The following ZDHHC17 variants were observed in gnomAD, a reference collection of about 807,000 sequenced individuals.
ZDHHC17 encodes the protein zDHHC palmitoyltransferase 17, also known as palmitoyltransferase ZDHHC17.
Under a neutral mutation model 90.3 loss-of-function variants are expected in ZDHHC17, and 40 were observed. The observed-to-expected ratio is 0.44, with a 90% confidence interval of 0.34 to 0.58. The LOEUF (loss-of-function observed/expected upper bound fraction) is 0.58, where lower values mean the gene tolerates loss of function less well. Among genes scored for constraint, ZDHHC17 ranks in the 20% least tolerant of loss-of-function variants. The pLI is 0.01. For missense variants in ZDHHC17, 614 were observed against 780.8 expected (o/e 0.79, Z 2.55); for synonymous variants, 235 against 252.4 (o/e 0.93, Z 0.65).
intron 7 of ZDHHC17, among the ~76,000 whole-genome samples, chr12:76,820,843 T>C (rs1310395312): frequency 6.6e-6 from 1 of 152,202 alleles, no homozygotes; most frequent in Non-Finnish European, 1.5e-5. Flanking sequence ...TGTAGATTCT[T>C]GCTGTTGTTG....
intron 2 of ZDHHC17, among the ~76,000 whole-genome samples, chr12:76,803,273 C>T (rs1952913333): frequency 6.6e-6 from 1 of 151,988 alleles, no homozygotes; most frequent in Admixed American, 6.6e-5. Context: ...AAAAAAATTA[C>T]ATGAGATATT....
chr12:76,767,659 C>T (rs1435020702), intron 1 of ZDHHC17, among the ~76,000 whole-genome samples: 1 of 152,168 alleles, frequency 6.6e-6, no homozygotes, highest in Non-Finnish European at 1.5e-5. Flanking sequence ...GTGGCTCACG[C>T]CTGTAATCCC....
At chr12:76,775,113 C>T (rs1225571182) in intron 1 of ZDHHC17, among the ~76,000 whole-genome samples, 1 of 152,224 alleles carries the variant, frequency 6.6e-6, no homozygotes, top group Non-Finnish European at 1.5e-5. Context: ...CCATGCCCGG[C>T]CTCTTTGTGG....
At chr12:76,778,576 T>TA (rs111902183) in intron 1 of ZDHHC17, among the ~76,000 whole-genome samples, 2 of 152,312 alleles carry the variant, frequency 1.3e-5, no homozygotes, top group African/African-American at 2.4e-5. Flanking sequence ...TCAGATAACT[T>TA]ACGTTAGATC....
chr12:76,816,413 T>C (rs1953087673), intron 7 of ZDHHC17, among the ~76,000 whole-genome samples: 1 of 152,054 alleles, frequency 6.6e-6, no homozygotes, highest in Non-Finnish European at 1.5e-5. Context: ...CTCAAAATTT[T>C]GGTTATTTCT....
At chr12:76,781,473 A>G (rs1220626873) in intron 1 of ZDHHC17, among the ~76,000 whole-genome samples, 1 of 152,224 alleles carries the variant, frequency 6.6e-6, no homozygotes, top group Non-Finnish European at 1.5e-5. Context: ...TGATTAGGCT[A>G]AGAGGGCTCT....
intron 1 of ZDHHC17, among the ~76,000 whole-genome samples, chr12:76,773,117 C>A (rs903547458): frequency 1.4e-4 from 22 of 152,158 alleles, no homozygotes; most frequent in Admixed American, 1.3e-3. Flanking sequence ...CTCGACGTCT[C>A]AAAGTACTGG....
At chr12:76,769,119 C>T (rs545033960) in intron 1 of ZDHHC17, 20 of 408,916 alleles carry the variant, frequency 4.9e-5, no homozygotes, top group African/African-American at 1.2e-4. Flanking sequence ...AGTGCAATGA[C>T]GTGATCTCGG....
At chr12:76,812,519 TTTC>T (rs1424900810) in intron 5 of ZDHHC17, among the ~76,000 whole-genome samples, 2 of 152,120 alleles carry the variant, frequency 1.3e-5, no homozygotes, top group African/African-American at 2.4e-5. Context: ...CATATTTTTA[TTTC>T]TTCTTCCCTT....
chr12:76,842,449 A>G lies in ZDHHC17; in HGVS notation c.1266+343A>G, dbSNP rs75875928. On this transcript the variant is annotated intron_variant, in intron 11 of 16. Coordinates refer to ENST00000426126, the MANE Select transcript of ZDHHC17 (RefSeq NM_015336.4). ...AATGACTATGTAAACTAGAAGGTTA[A>G]TAAATTGGTTGATAGTGCAGGTACA... Among the ~76,000 whole-genome samples, 496 of 152,324 alleles carry G rather than the reference A, an allele frequency of 3.3e-3. 3 individuals carry two copies. The highest frequency in any genetic ancestry group is 0.011 in the African/African-American group (466 of 41,574).
At chr12:76,836,781 C>T (rs1184842360) in intron 10 of ZDHHC17, among the ~76,000 whole-genome samples, 1 of 152,092 alleles carries the variant, frequency 6.6e-6, no homozygotes, top group Non-Finnish European at 1.5e-5. Context: ...GTAAAATCTT[C>T]TACCGTGTTG....
intron 5 of ZDHHC17, among the ~76,000 whole-genome samples, chr12:76,812,196 A>C (rs2060473846): frequency 6.6e-6 from 1 of 152,196 alleles, no homozygotes; most frequent in East Asian, 1.9e-4. Flanking sequence ...TGTGCATTGC[A>C]TCATACTGTG....
intron 1 of ZDHHC17, among the ~76,000 whole-genome samples, chr12:76,790,133 C>A (rs11115423): frequency 0.011 from 1,682 of 151,888 alleles, 11 homozygotes; most frequent in Non-Finnish European, 0.017. Context: ...TAAATCTAGA[C>A]CTCTTATAAA....
At chr12:76,841,887 CTGGT>C in intron 10 of ZDHHC17, 91 bp from the exon 11 acceptor site, 1 of 922,674 alleles carries the variant, frequency 1.1e-6, no homozygotes, top group Non-Finnish European at 1.4e-6. Flanking sequence ...ATTTTTTTGA[CTGGT>C]AGGTGTTTTG....
intron 1 of ZDHHC17, among the ~76,000 whole-genome samples, chr12:76,774,246 T>C (rs890536707): frequency 2.6e-5 from 3 of 115,662 alleles, no homozygotes; most frequent in African/African-American, 9.6e-5. Context: ...TGAGACCCTG[T>C]CTCAAAATAA....
rs980020334 is a variant in ZDHHC17, at chr12:76,801,941, T to G, written c.198-3376T>G. Among the ~76,000 whole-genome samples, 3 of 152,202 alleles carry G rather than the reference T, an allele frequency of 2.0e-5. No homozygotes were observed. In the South Asian group the frequency reaches 6.2e-4, roughly 32 times the overall value. On this transcript the variant is annotated intron_variant, in intron 2 of 16. Coordinates refer to ENST00000426126, the MANE Select transcript of ZDHHC17 (RefSeq NM_015336.4). ...TAGTGCTTAATAATTTTTAAATTAA[T>G]GTATTAGTCTCTTAAATCAAGTAGA...
chr12:76,798,019 T>C (rs371677795), intron 2 of ZDHHC17, among the ~76,000 whole-genome samples: 2 of 152,264 alleles, frequency 1.3e-5, no homozygotes, highest in East Asian at 1.9e-4. Flanking sequence ...TGAATAGGTC[T>C]GTTTGCTTTT....
intron 1 of ZDHHC17, among the ~76,000 whole-genome samples, chr12:76,785,986 T>C (rs1043722715): frequency 5.9e-5 from 9 of 152,192 alleles, no homozygotes; most frequent in Non-Finnish European, 1.3e-4. Context: ...GGGTAGACCA[T>C]TTGTGATAAT....
Position 76,778,351 on chromosome 12 carries a change from C to T in ZDHHC17, c.93+14022C>T, listed in dbSNP as rs1400476051. On this transcript the variant is annotated intron_variant, in intron 1 of 16. Transcript: ENST00000426126. The stretch of plus-strand genomic sequence containing the variant: ...TCTCCTGCCTTAGCTTCCCAAGTAG[C>T]TGGGACTACAGGCATGCACCACCAC... 2.0e-5 allele frequency among the ~76,000 whole-genome samples: 3 copies of T among 152,280 alleles called. No homozygotes were observed. In the East Asian group the frequency reaches 5.8e-4, roughly 29 times the overall value.
Sources: allele counts gnomAD v4.1 joint callset (sites outside exome capture counted in the v4.1 genomes callset), GRCh38; gene constraint gnomAD v4.1.1; transcripts MANE v1.5; gene names NCBI Gene and HGNC (gene_info 2026-07-23, HGNC 2026-07-21).